AGBL1: variants seen among roughly 807,000 people sequenced by gnomAD.
AGBL1 encodes the protein AGBL carboxypeptidase 1, also known as cytosolic carboxypeptidase 4.
In AGBL1, 130 loss-of-function variants were observed where a neutral mutation model predicts 118.9. The ratio of observed to expected loss-of-function variants is 1.09; its 90% CI spans 0.95 to 1.26. The LOEUF (loss-of-function observed/expected upper bound fraction) is 1.26. Among genes scored for constraint, AGBL1 ranks in the 50% most tolerant of loss-of-function variants. The pLI is 0.00. For synonymous variants in AGBL1, 555 were observed against 478.9 expected (o/e 1.16, Z -2.08); for missense variants, 1,584 against 1,298.1 (o/e 1.22, Z -3.38).
At chr15:86,546,264 C>A in intron 20 of AGBL1, 131 bp downstream of exon 20, 1 of 1,104,400 alleles carries the variant, frequency 9.1e-7, no homozygotes, top group Non-Finnish European at 1.2e-6. Flanking sequence ...TTATTCTAAC[C>A]ATAGGATTGT....
chr15:86,678,957 T>G (rs1456032566), intron 22 of AGBL1, among the ~76,000 whole-genome samples: 5 of 152,108 alleles, frequency 3.3e-5, no homozygotes, highest in Non-Finnish European at 7.4e-5. Context: ...TTAGTCTGCC[T>G]GCCAAGAGCA....
intron 21 of AGBL1, among the ~76,000 whole-genome samples, chr15:86,557,321 G>A (rs761870228): frequency 2.0e-5 from 3 of 152,150 alleles, no homozygotes; most frequent in African/African-American, 7.2e-5. Context: ...TTCACACTGA[G>A]TGTTTGTGAC....
intron 21 of AGBL1, among the ~76,000 whole-genome samples, chr15:86,566,383 C>A (rs1181783103): frequency 6.6e-6 from 1 of 152,150 alleles, no homozygotes; most frequent in Non-Finnish European, 1.5e-5. Flanking sequence ...TTCCCCCTCT[C>A]CTTTTCATTT....
intron 5 of AGBL1, among the ~76,000 whole-genome samples, chr15:86,211,097 T>G (rs2141886130): frequency 6.6e-6 from 1 of 152,294 alleles, no homozygotes; most frequent in African/African-American, 2.4e-5. Flanking sequence ...TCTGTTGGAG[T>G]TTGCTGGAGG....
rs2086420906 is a variant in AGBL1 at position 86,704,907 on chromosome 15, A to T, written c.3158+30471A>T. On this transcript the variant is annotated intron_variant, in intron 22 of 22. Coordinates refer to ENST00000614907, the MANE Select transcript of AGBL1 (RefSeq NM_001386094.1). The stretch of plus-strand genomic sequence containing the variant: ...CAGATGCCCAACACTGATAGACAAG[A>T]TAAAGAAAATGTGGCACATATACAC... 2.6e-5 allele frequency among the ~76,000 whole-genome samples: 4 copies of T among 152,230 alleles called. No homozygotes were observed. In the South Asian group the frequency reaches 8.3e-4, roughly 31 times the overall value.
chr15:86,661,754 C>T (rs557417298), intron 21 of AGBL1, among the ~76,000 whole-genome samples: 9 of 152,186 alleles, frequency 5.9e-5, no homozygotes, highest in Admixed American at 4.6e-4. Context: ...GTGCTAAGCA[C>T]GGTGACCATG....
At chr15:86,085,547 G>A (rs535924257) in intron 1 of AGBL1, among the ~76,000 whole-genome samples, 3 of 152,164 alleles carry the variant, frequency 2.0e-5, no homozygotes, top group Admixed American at 1.3e-4. Context: ...CATGACTGCT[G>A]ATGTAATGTG....
intron 24 of AGBL1, among the ~76,000 whole-genome samples, chr15:86,993,912 G>A (rs1478011203): frequency 2.0e-5 from 3 of 152,044 alleles, no homozygotes; most frequent in African/African-American, 7.2e-5. Context: ...GAAGGGTAGG[G>A]GTAAGAGGAA....
rs1170933144 is a variant in AGBL1 at position 86,146,516 on chromosome 15, G to A, written c.262+2671G>A. ...TCTACTTAATTCCAGGGTGCTGTGA[G>A]GATTAAACAAAGTATTGCATGTCAC... On this transcript the variant is annotated intron_variant, in intron 3 of 22. Transcript: ENST00000614907. Among the ~76,000 whole-genome samples, 3 of 152,164 alleles carry A rather than the reference G, an allele frequency of 2.0e-5. No individual in the cohort carries two copies. The East Asian group carries it at 5.8e-4, about 29-fold the overall frequency.
At chr15:86,851,287 G>C (rs1320567948) in intron 22 of AGBL1, among the ~76,000 whole-genome samples, 1 of 152,130 alleles carries the variant, frequency 6.6e-6, no homozygotes, top group East Asian at 1.9e-4. Context: ...AAATCTCTAG[G>C]ATTTGGGGCA....
intron 21 of AGBL1, among the ~76,000 whole-genome samples, chr15:86,662,562 T>C (rs2085563749): frequency 6.6e-6 from 1 of 152,208 alleles, no homozygotes; most frequent in Non-Finnish European, 1.5e-5. Context: ...TCAAAGTATC[T>C]GGTCTATGAG....
rs71144074 is a variant in AGBL1 at position 86,827,938 on chromosome 15, C to CTTTTTTTTTTTTTTTTTT, written c.3159-79146_3159-79129dup. Among the ~76,000 whole-genome samples, 34 of 16,758 alleles carry CTTTTTTTTTTTTTTTTTT rather than the reference C, an allele frequency of 2.0e-3. 5 individuals are homozygous for CTTTTTTTTTTTTTTTTTT. Among genetic ancestry groups the CTTTTTTTTTTTTTTTTTT allele is most frequent in the African/African-American group, 3.3e-3 (17 of 5,128 alleles). 11.0% of individuals were successfully genotyped at this position (16,758 alleles called of 152,430 possible). On this transcript the variant is annotated intron_variant, in intron 22 of 22. Transcript: ENST00000614907. ...ATAGTCTCTGGCACTTGATGTAGGGCTTTTTTTTTTTTTTTTTTTTGAGAC... is the reference window on the plus strand; with the variant it reads ...ATAGTCTCTGGCACTTGATGTAGGGCTTTTTTTTTTTTTTTTTTTTTTTTTTTTTTTTTTTTTTGAGAC...
At chr15:86,160,984 G>A (rs1258070358) in intron 5 of AGBL1, among the ~76,000 whole-genome samples, 1 of 152,170 alleles carries the variant, frequency 6.6e-6, no homozygotes, top group Non-Finnish European at 1.5e-5. Flanking sequence ...CTCTTCCTCA[G>A]AGACTCACAC....
rs1277873327 is a variant in AGBL1 at position 86,440,700 on chromosome 15, G to A, written c.2555+43154G>A. On this transcript the variant is annotated intron_variant, in intron 18 of 22. Transcript: ENST00000614907. ...CATTGAAGCTTTAACCCAAGGTAGA[G>A]TATGTACCTACTGTGCCTTTGACAT... 3.3e-5 allele frequency among the ~76,000 whole-genome samples: 5 copies of A among 152,104 alleles called. 1 individual carries two copies. Among genetic ancestry groups the A allele is most frequent in the Admixed American group, 2.6e-4 (4 of 15,276 alleles).
intron 21 of AGBL1, among the ~76,000 whole-genome samples, chr15:86,628,654 G>A (rs1384319889): frequency 2.0e-5 from 3 of 152,120 alleles, no homozygotes; most frequent in Non-Finnish European, 4.4e-5. Context: ...AAATTAGCCA[G>A]GCGTGGTGGT....
chr15:86,124,452 T>A (rs1160134770), intron 1 of AGBL1, among the ~76,000 whole-genome samples: 11 of 152,152 alleles, frequency 7.2e-5, no homozygotes, highest in African/African-American at 2.4e-4. Context: ...TATTATAAGA[T>A]GTTGACAATA....
intron 22 of AGBL1, among the ~76,000 whole-genome samples, chr15:86,680,521 C>G: frequency 6.7e-6 from 1 of 148,608 alleles, no homozygotes; most frequent in Non-Finnish European, 1.5e-5. Context: ...TGTATGCACC[C>G]TGTTTTTTCT....
chr15:86,084,692 C>A (rs1274676175), intron 1 of AGBL1, among the ~76,000 whole-genome samples: 1 of 152,190 alleles, frequency 6.6e-6, no homozygotes, highest in African/African-American at 2.4e-5. Flanking sequence ...TTATTTATAA[C>A]TGATATCATC....
chr15:86,723,957 C>T (rs182753298), intron 22 of AGBL1, among the ~76,000 whole-genome samples: 44 of 152,024 alleles, frequency 2.9e-4, no homozygotes, highest in Non-Finnish European at 5.4e-4. Flanking sequence ...TTGAGTAGGC[C>T]GGGCGCAGTG....
Sources: gnomAD v4.1 joint callset for allele counts (sites outside exome capture counted in the v4.1 genomes callset) on GRCh38, gnomAD v4.1.1 for gene constraint, MANE v1.5 for transcripts, NCBI Gene and HGNC (gene_info 2026-07-23, HGNC 2026-07-21) for gene names.